DLC1: variants seen among roughly 807,000 people sequenced by gnomAD.
DLC1 encodes DLC1 Rho GTPase activating protein, also known as rho GTPase-activating protein 7.
Under a neutral mutation model 140.3 loss-of-function variants are expected in DLC1, and 54 were observed. The ratio of observed to expected loss-of-function variants is 0.38; its 90% CI spans 0.31 to 0.48. The LOEUF (loss-of-function observed/expected upper bound fraction) is 0.48. Ranked by LOEUF, DLC1 falls within the 20% of genes least tolerant of loss-of-function variation. The pLI, the probability that DLC1 is intolerant of heterozygous loss-of-function variation, is 0.96. For synonymous variants in DLC1, 986 were observed against 728.1 expected, an observed-to-expected ratio of 1.35 and a Z score of -5.70; for missense variants, 2,536 against 1,907.0, an observed-to-expected ratio of 1.33 and a Z score of -6.14.
chr8:13,374,930 C>G (rs868597338), intron 4 of DLC1, among the ~76,000 whole-genome samples: 2 of 152,100 alleles, frequency 1.3e-5, no homozygotes, highest in Admixed American at 6.5e-5. Flanking sequence ...AAGTAGGATT[C>G]CCAGGTATTT....
At chr8:13,217,277 TC>T (rs1433130982) in intron 5 of DLC1, among the ~76,000 whole-genome samples, 2 of 152,156 alleles carry the variant, frequency 1.3e-5, no homozygotes, top group African/African-American at 4.8e-5. Context: ...AAGAACCAAA[TC>T]ACGTTTGTGA....
intron 1 of DLC1, among the ~76,000 whole-genome samples, chr8:13,601,472 T>A (rs1271521575): frequency 2.0e-5 from 3 of 151,772 alleles, no homozygotes; most frequent in Non-Finnish European, 4.4e-5. Flanking sequence ...CAAAAAGGAT[T>A]TTTCAGACTA....
At chr8:13,494,000 C>T (rs1801383170) in intron 2 of DLC1, among the ~76,000 whole-genome samples, 1 of 152,124 alleles carries the variant, frequency 6.6e-6, no homozygotes, top group Non-Finnish European at 1.5e-5. Context: ...ATGTAAAGTA[C>T]AGTATGTACA....
chr8:13,537,987 C>G (rs1490259010), intron 1 of DLC1, among the ~76,000 whole-genome samples: 1 of 152,126 alleles, frequency 6.6e-6, no homozygotes, highest in Non-Finnish European at 1.5e-5. Context: ...TTAATACGTT[C>G]CACGCTTTGG....
intron 4 of DLC1, among the ~76,000 whole-genome samples, chr8:13,358,440 C>G (rs1395540824): frequency 6.6e-6 from 1 of 152,136 alleles, no homozygotes; most frequent in Non-Finnish European, 1.5e-5. Flanking sequence ...AAAAAAAGTG[C>G]TTGATTACTC....
chr8:13,587,497 GT>G (rs1037177163), intron 1 of DLC1, among the ~76,000 whole-genome samples: 1 of 149,794 alleles, frequency 6.7e-6, no homozygotes, highest in African/African-American at 2.5e-5. Context: ...CCACTGGTGT[GT>G]TTTCCAAATG....
intron 1 of DLC1, among the ~76,000 whole-genome samples, chr8:13,504,435 A>G: frequency 6.6e-6 from 1 of 152,216 alleles, no homozygotes; most frequent in East Asian, 1.9e-4. Flanking sequence ...TTCAGAGAAC[A>G]TTAAGAGAAG....
At chr8:13,537,996 G>A (rs894054256) in intron 1 of DLC1, among the ~76,000 whole-genome samples, 10 of 152,078 alleles carry the variant, frequency 6.6e-5, no homozygotes, top group Non-Finnish European at 1.0e-4. Flanking sequence ...TCCACGCTTT[G>A]GGCTAAGCAA....
At chr8:13,326,470 T>A (rs749086447) in intron 4 of DLC1, among the ~76,000 whole-genome samples, 1 of 152,226 alleles carries the variant, frequency 6.6e-6, no homozygotes, top group African/African-American at 2.4e-5. Flanking sequence ...GTGCATATAG[T>A]CTTGCCACTC....
rs1392945074 is a variant in DLC1 at position 13,099,415 on chromosome 8, C to G, written c.2922G>C (p.Pro974=). The change falls in exon 9 of 18, where the codon CCG becomes CCC. Residue 974 remains proline, a synonymous_variant. Coordinates refer to ENST00000276297, the MANE Select transcript of DLC1 (RefSeq NM_182643.3). The part of the protein sequence containing the change: ...LDSTGNSLNE[P]EEPSEIPERR... ...TTTCCGGGATCTCGGAGGGCTCTTC[C>G]GGTTCATTCAGGGAGTTGCCTGTGC... 18 of 1,613,980 alleles carry G rather than the reference C, an allele frequency of 1.1e-5. No individual in the cohort carries two copies. The highest frequency in any genetic ancestry group is 1.4e-5 in the Non-Finnish European group (16 of 1,180,032).
intron 2 of DLC1, among the ~76,000 whole-genome samples, chr8:13,497,937 A>G (rs1801589962): frequency 6.6e-6 from 1 of 152,192 alleles, no homozygotes; most frequent in Non-Finnish European, 1.5e-5. Context: ...ACGACACATT[A>G]CTGATCTAGT....
chr8:13,324,076 AC>A (rs1833235842), intron 4 of DLC1, among the ~76,000 whole-genome samples: 1 of 152,252 alleles, frequency 6.6e-6, no homozygotes, highest in Non-Finnish European at 1.5e-5. Context: ...ACAGTGTCTG[AC>A]AAATCCGACT....
chr8:13,520,066 G>A (rs976160021), intron 1 of DLC1, among the ~76,000 whole-genome samples: 10 of 152,162 alleles, frequency 6.6e-5, no homozygotes, highest in African/African-American at 1.9e-4. Flanking sequence ...ACAGTGTGGC[G>A]ATTCCTCAAG....
chr8:13,583,298 A>C (rs1349501600), intron 1 of DLC1, among the ~76,000 whole-genome samples: 1 of 152,194 alleles, frequency 6.6e-6, no homozygotes, highest in Non-Finnish European at 1.5e-5. Context: ...AATATTCCAA[A>C]TCCATTGGTG....
intron 2 of DLC1, among the ~76,000 whole-genome samples, chr8:13,461,882 C>G (rs138329359): frequency 2.0e-5 from 3 of 152,284 alleles, no homozygotes; most frequent in East Asian, 3.9e-4. Context: ...GAGGATGCAG[C>G]CTGTGACATG....
intron 5 of DLC1, among the ~76,000 whole-genome samples, chr8:13,190,028 T>C (rs2117020792): frequency 6.6e-6 from 1 of 152,270 alleles, no homozygotes; most frequent in Middle Eastern, 3.4e-3. Context: ...AATTTAAAAT[T>C]TTCCAGTAGC....
chr8:13,496,786 C>CTTTTTTT (rs869192950), intron 2 of DLC1, among the ~76,000 whole-genome samples: 3 of 23,508 alleles, frequency 1.3e-4, no homozygotes, highest in African/African-American at 2.4e-4. Context: ...AGACCATTTC[C>CTTTTTTT]TTTTTTTTTT....
chr8:13,233,844 T>C (rs1429910516), intron 5 of DLC1, among the ~76,000 whole-genome samples: 1 of 152,200 alleles, frequency 6.6e-6, no homozygotes, highest in East Asian at 1.9e-4. Context: ...TCCATAGGGC[T>C]AGAGAGTCTT....
At chr8:13,410,886 T>C (rs1837753481) in intron 2 of DLC1, among the ~76,000 whole-genome samples, 1 of 152,162 alleles carries the variant, frequency 6.6e-6, no homozygotes, top group African/African-American at 2.4e-5. Context: ...TAAATGCTTG[T>C]TGAATGAAAG....
Sources: allele counts gnomAD v4.1 joint callset (sites outside exome capture counted in the v4.1 genomes callset), GRCh38; gene constraint gnomAD v4.1.1; transcripts MANE v1.5; gene names NCBI Gene and HGNC (gene_info 2026-07-23, HGNC 2026-07-21).